Variants in SLBP observed in about 807,000 individuals in gnomAD.
The protein encoded by SLBP is histone RNA hairpin-binding protein.
A neutral mutation model predicts 39.2 loss-of-function variants in SLBP; 29 were observed. The ratio of observed to expected loss-of-function variants is 0.74; its 90% CI spans 0.55 to 1.01. SLBP has a LOEUF of 1.01. SLBP is among the 50% of genes least tolerant of loss of function. The pLI, the probability that SLBP is intolerant of heterozygous loss-of-function variation, is 0.00. For missense variants in SLBP, 390 were observed against 350.2 expected (o/e 1.11, Z -0.91); for synonymous variants, 129 against 118.7 (o/e 1.09, Z -0.57).
At chr4:1,693,802 C>A (rs1162989579) in intron 7 of SLBP, 89 bp from the exon 8 acceptor site, 1 of 778,764 alleles carries the variant, frequency 1.3e-6, no homozygotes, top group South Asian at 1.4e-5. Flanking sequence ...TGTGGTAAAT[C>A]ATGTGATGTA....
chr4:1,699,752 G>A lies in SLBP; in HGVS notation c.342-51C>T, dbSNP rs758456202. On this transcript the variant is annotated intron_variant, in intron 4 of 7. Transcript: ENST00000489418. ...TAAGCCCTGCAATTAAGATCACCAT[G>A]TATGTAAGGTAAGCCAAGAAAATGT... 10 of 1,552,032 alleles carry A rather than the reference G, an allele frequency of 6.4e-6. No homozygotes were observed. The East Asian group carries it at 1.1e-4, about 17-fold the overall frequency.
rs1250658945 is a variant in SLBP, at chr4:1,712,318, CT to C, written c.-131del. 1 of 509,654 alleles carries C rather than the reference CT, an allele frequency of 2.0e-6. No homozygotes were observed. The highest frequency in any genetic ancestry group is 3.1e-6 in the Non-Finnish European group (1 of 321,456). 31.6% of individuals were successfully genotyped at this position (509,654 alleles called of 1,614,324 possible). A position where few individuals can be genotyped will look rare whatever the true frequency, so the allele number is the denominator to read the frequency against. ...GTCCCCGCGCCGGCGCTCACGAGCTCTGCGCGCCCCGCCCCCAACCGCCTTT... is the reference window on the plus strand; with the variant it reads ...GTCCCCGCGCCGGCGCTCACGAGCTCGCGCGCCCCGCCCCCAACCGCCTTT... On this transcript the variant is annotated 5_prime_UTR_variant, in exon 1 of 8. Coordinates refer to ENST00000489418, the MANE Select transcript of SLBP (RefSeq NM_006527.4).
At chr4:1,694,671 G>T in intron 7 of SLBP, 103 bp downstream of exon 7, 3 of 838,884 alleles carry the variant, frequency 3.6e-6, no homozygotes, top group Non-Finnish European at 6.2e-6. Flanking sequence ...GATTACAGGC[G>T]TGAGCCACCG....
At chr4:1,703,256 AAGTT>A (rs199732641) in intron 3 of SLBP, among the ~76,000 whole-genome samples, 90,332 of 143,288 alleles carry the variant, frequency 0.63, 31,280 homozygotes, top group East Asian at 0.81. Flanking sequence ...AAAAAAAAGA[AAGTT>A]AGTTCTGATA....
At chr4:1,710,276 T>C (rs537103838) in intron 2 of SLBP, among the ~76,000 whole-genome samples, 8 of 152,260 alleles carry the variant, frequency 5.3e-5, no homozygotes, top group Non-Finnish European at 1.0e-4. Flanking sequence ...GTTACCTTTC[T>C]TGACATCTCC....
intron 2 of SLBP, among the ~76,000 whole-genome samples, chr4:1,706,674 C>T (rs1211687033): frequency 6.6e-6 from 1 of 151,730 alleles, no homozygotes; most frequent in Non-Finnish European, 1.5e-5. Context: ...GGCGTGGCAG[C>T]GCGTGTCTGT....
At chr4:1,700,132 G>A (rs1276319130) in intron 3 of SLBP, 62 bp from the exon 4 acceptor site, 1 of 1,216,656 alleles carries the variant, frequency 8.2e-7, no homozygotes, top group South Asian at 1.3e-5. Context: ...AGCCAGGTCT[G>A]AGGAAGCTCC....
intron 2 of SLBP, among the ~76,000 whole-genome samples, chr4:1,708,110 G>A (rs975413585): frequency 6.7e-6 from 1 of 150,262 alleles, no homozygotes; most frequent in Non-Finnish European, 1.5e-5. Flanking sequence ...AAAATCAGGC[G>A]GGCGTGGTGG....
intron 2 of SLBP, 121 bp downstream of exon 2, chr4:1,711,753 T>G: frequency 4.3e-6 from 2 of 465,120 alleles, no homozygotes; most frequent in Admixed American, 4.5e-5. Flanking sequence ...GAGACCAAGA[T>G]AAAAGGACGC....
chr4:1,694,194 T>C (rs1716020941), intron 7 of SLBP, among the ~76,000 whole-genome samples: 1 of 152,218 alleles, frequency 6.6e-6, no homozygotes, highest in African/African-American at 2.4e-5. Flanking sequence ...GTGATTCTCC[T>C]GCCTCAGCCT....
At chr4:1,701,257 T>C (rs1716317737) in intron 3 of SLBP, among the ~76,000 whole-genome samples, 2 of 150,090 alleles carry the variant, frequency 1.3e-5, no homozygotes, top group South Asian at 4.2e-4. Context: ...GCGATTCTCC[T>C]GCCTCAGCCT....
At chr4:1,711,828 TCGTCAAGGGCC>T (rs1375731207) in intron 2 of SLBP, 35 bp downstream of exon 2, 1 of 1,082,226 alleles carries the variant, frequency 9.2e-7, no homozygotes, top group East Asian at 3.3e-5. Flanking sequence ...GCCCGCGGCC[TCGTCAAGGGCC>T]CCACCGCGCC....
chr4:1,694,283 A>G (rs1029624655), intron 7 of SLBP, among the ~76,000 whole-genome samples: 2 of 152,042 alleles, frequency 1.3e-5, no homozygotes. Flanking sequence ...GGGTTTCACT[A>G]TGTTGGGCAG....
chr4:1,700,924 C>T (rs959203868), intron 3 of SLBP, among the ~76,000 whole-genome samples: 16 of 151,884 alleles, frequency 1.1e-4, no homozygotes, highest in Non-Finnish European at 1.8e-4. Flanking sequence ...AATCTAAAAT[C>T]CACCCAAGTT....
intron 2 of SLBP, 81 bp downstream of exon 2, chr4:1,711,793 G>C: frequency 1.4e-6 from 1 of 719,298 alleles, no homozygotes; most frequent in African/African-American, 1.9e-5. Context: ...TCCCGGCACC[G>C]CGAGAGCGCG....
At chr4:1,706,185 C>T (rs537148533) in intron 2 of SLBP, among the ~76,000 whole-genome samples, 1 of 152,154 alleles carries the variant, frequency 6.6e-6, no homozygotes, top group African/African-American at 2.4e-5. Flanking sequence ...ACTAGGGAGG[C>T]TGAGGCAGGA....
chr4:1,703,411 C>CA (rs893694166), intron 3 of SLBP, among the ~76,000 whole-genome samples, 185 bp downstream of exon 3: 4 of 152,032 alleles, frequency 2.6e-5, no homozygotes, highest in African/African-American at 9.7e-5. Flanking sequence ...GGCCAGGCCC[C>CA]ACCCCATTCG....
At chr4:1,700,954 G>A (rs1716301592) in intron 3 of SLBP, among the ~76,000 whole-genome samples, 1 of 152,026 alleles carries the variant, frequency 6.6e-6, no homozygotes, top group Non-Finnish European at 1.5e-5. Context: ...GTTCAGTGCA[G>A]TTTGGACGCC....
intron 5 of SLBP, among the ~76,000 whole-genome samples, chr4:1,697,882 T>C (rs1242995726): frequency 6.6e-6 from 1 of 152,126 alleles, no homozygotes; most frequent in Non-Finnish European, 1.5e-5. Flanking sequence ...CTCACGCTTG[T>C]AATCACAGTA....
Sources: allele counts gnomAD v4.1 joint callset (sites outside exome capture counted in the v4.1 genomes callset), GRCh38; gene constraint gnomAD v4.1.1; transcripts MANE v1.5; gene names NCBI Gene and HGNC (gene_info 2026-07-23, HGNC 2026-07-21).